The following N4BP2 variants were observed in gnomAD, a reference collection of about 807,000 sequenced individuals.
N4BP2 encodes NEDD4-binding protein 2.
A neutral mutation model predicts 152.8 loss-of-function variants in N4BP2; 91 were observed. The ratio of observed to expected loss-of-function variants is 0.60; its 90% CI spans 0.50 to 0.71. The LOEUF is 0.71. N4BP2 is among the 30% of genes least tolerant of loss of function. The probability of loss-of-function intolerance (pLI) is 0.00; values close to 1 mark genes in which losing one functional copy is unlikely to be tolerated. For synonymous variants in N4BP2, 646 were observed against 705.3 expected (o/e 0.92, Z 1.33); for missense variants, 1,923 against 2,059.1 (o/e 0.93, Z 1.28).
intron 16 of N4BP2, among the ~76,000 whole-genome samples, chr4:40,146,545 A>G (rs1720535333): frequency 6.6e-6 from 1 of 152,172 alleles, no homozygotes; most frequent in African/African-American, 2.4e-5. Context: ...TTTTTTGACA[A>G]ATAAGATTGT....
the N4BP2 span, among the ~76,000 whole-genome samples, chr4:40,188,331 A>C: frequency 3.3e-5 from 5 of 152,220 alleles, no homozygotes; most frequent in Non-Finnish European, 1.5e-5. Flanking sequence ...TTTATTGCCC[A>C]TGTGGCCCTG....
chr4:40,123,927 T>A (rs372787225), intron 10 of N4BP2, among the ~76,000 whole-genome samples: 2 of 39,412 alleles, frequency 5.1e-5, no homozygotes, highest in Non-Finnish European at 1.0e-4. Context: ...TAACAAGAAA[T>A]TTTTTTTTTT....
the N4BP2 span, among the ~76,000 whole-genome samples, chr4:40,188,495 A>G: frequency 6.6e-6 from 1 of 152,190 alleles, no homozygotes; most frequent in Non-Finnish European, 1.5e-5. Context: ...CTGCAATCCC[A>G]GCACTTTGAG....
At position 40,113,441 on chromosome 4, in the gene N4BP2, C is replaced by T. The variant is rs1316066416; in HGVS notation, c.1597C>T (p.His533Tyr). The change falls in exon 7 of 18, where the codon CAC (histidine) becomes TAC (tyrosine). Residue 533 changes from histidine (H) to tyrosine (Y), a missense_variant. Coordinates refer to ENST00000261435, the MANE Select transcript of N4BP2 (RefSeq NM_018177.6). ...TCTTTGTTGTATGTAGTCTCAGAAA[C>T]ACAAATATAAAGTCCTTTTTCGGGA... ...MKPYVALSQKHKYKVLFREPD... is the reference protein window; with the variant it reads ...MKPYVALSQKYKYKVLFREPD... 1.2e-6 allele frequency: 2 copies of T among 1,609,994 alleles called. No homozygotes were observed. The highest frequency in any genetic ancestry group is 3.3e-5 in the Admixed American group (2 of 59,838).
At position 40,154,577 on chromosome 4, in the gene N4BP2, A is replaced by G. The variant is rs545197135; in HGVS notation, c.*340A>G. 4.8e-5 allele frequency: 10 copies of G among 209,350 alleles called. No individual in the cohort carries two copies. In the South Asian group the frequency reaches 7.9e-4, roughly 17 times the overall value. 13.0% of individuals were successfully genotyped at this position (209,350 alleles called of 1,614,324 possible). On this transcript the variant is annotated 3_prime_UTR_variant, in exon 18 of 18. Coordinates refer to ENST00000261435, the MANE Select transcript of N4BP2 (RefSeq NM_018177.6). ...GTTGTATGACATTTAGTAATGTCCTAAAAGTCTTTTGTGAGAGGTATTTAA... is the reference window on the plus strand; with the variant it reads ...GTTGTATGACATTTAGTAATGTCCTGAAAGTCTTTTGTGAGAGGTATTTAA...
intron 7 of N4BP2, among the ~76,000 whole-genome samples, chr4:40,114,186 T>C (rs1156231516): frequency 6.6e-6 from 1 of 152,236 alleles, no homozygotes; most frequent in African/African-American, 2.4e-5. Context: ...TTTTGCTTTG[T>C]GTTCTATACT....
At chr4:40,119,658 CT>C (rs1470212017) in intron 8 of N4BP2, among the ~76,000 whole-genome samples, 1 of 152,054 alleles carries the variant, frequency 6.6e-6, no homozygotes, top group Non-Finnish European at 1.5e-5. Flanking sequence ...AACACCTAAA[CT>C]GAAAATCTCA....
chr4:40,058,455 G>A (rs987185765), intron 1 of N4BP2, among the ~76,000 whole-genome samples: 4 of 152,164 alleles, frequency 2.6e-5, no homozygotes, highest in African/African-American at 9.7e-5. Context: ...TGTAGTGGTG[G>A]ACATGGTGGG....
chr4:40,064,918 G>A (rs562008364), intron 1 of N4BP2, among the ~76,000 whole-genome samples: 21 of 152,118 alleles, frequency 1.4e-4, no homozygotes, highest in African/African-American at 4.3e-4. Context: ...TTACAGGTAT[G>A]CACCACCACA....
At chr4:40,092,398 C>T (rs1157783078) in intron 2 of N4BP2, among the ~76,000 whole-genome samples, 1 of 151,214 alleles carries the variant, frequency 6.6e-6, no homozygotes, top group Non-Finnish European at 1.5e-5. Context: ...GACATTGGTC[C>T]ATTTCATATA....
At chr4:40,184,297 C>T in the N4BP2 span, among the ~76,000 whole-genome samples, 1 of 151,576 alleles carries the variant, frequency 6.6e-6, no homozygotes, top group Non-Finnish European at 1.5e-5. Context: ...AGAAACAGGC[C>T]CTCAAAATGC....
chr4:40,089,604 T>A (rs1172955902), intron 2 of N4BP2, among the ~76,000 whole-genome samples: 1 of 151,870 alleles, frequency 6.6e-6, no homozygotes, highest in Non-Finnish European at 1.5e-5. Flanking sequence ...ACCTGGCCAA[T>A]TTTTGTATTT....
At chr4:40,068,831 T>C (rs886982548) in intron 1 of N4BP2, among the ~76,000 whole-genome samples, 4 of 152,118 alleles carry the variant, frequency 2.6e-5, no homozygotes, top group Admixed American at 6.6e-5. Context: ...CTTTAAAAAA[T>C]TCCCAGGCTG....
chr4:40,187,303 G>A, the N4BP2 span, among the ~76,000 whole-genome samples: 1 of 151,210 alleles, frequency 6.6e-6, no homozygotes, highest in Admixed American at 6.6e-5. Flanking sequence ...AACAAACAAA[G>A]CCTACATTCA....
intron 16 of N4BP2, among the ~76,000 whole-genome samples, chr4:40,145,991 G>C (rs890831478): frequency 6.6e-6 from 1 of 151,700 alleles, no homozygotes; most frequent in Admixed American, 6.6e-5. Flanking sequence ...GTGAAACCCC[G>C]TCTCTACTAA....
chr4:40,094,999 A>C (rs1315108896), intron 2 of N4BP2, among the ~76,000 whole-genome samples: 3 of 151,930 alleles, frequency 2.0e-5, no homozygotes, highest in Non-Finnish European at 4.4e-5. Flanking sequence ...GTTGGTCTCA[A>C]ACTCCTCACC....
rs545807182 is a variant in N4BP2, at chr4:40,107,438, C to T, written c.1498+414C>T. 1.5e-4 allele frequency among the ~76,000 whole-genome samples: 22 copies of T among 151,416 alleles called. No homozygotes were observed. The East Asian group carries it at 4.3e-3, about 29-fold the overall frequency. On this transcript the variant is annotated intron_variant, in intron 5 of 17. Transcript: ENST00000261435. Reference sequence around the variant, plus strand: ...CTCACTTTGCGCCCAGGCTGTAGTACAGTGGTGCAATCTGGGTTCACTGCA... The same window carrying T: ...CTCACTTTGCGCCCAGGCTGTAGTATAGTGGTGCAATCTGGGTTCACTGCA...
At chr4:40,170,858 T>C in the N4BP2 span, among the ~76,000 whole-genome samples, 4 of 152,232 alleles carry the variant, frequency 2.6e-5, no homozygotes, top group Admixed American at 2.0e-4. Context: ...ATTTCACATA[T>C]CCTCATTTTG....
intron 12 of N4BP2, among the ~76,000 whole-genome samples, chr4:40,129,835 T>A (rs1718761104): frequency 6.6e-6 from 1 of 152,144 alleles, no homozygotes; most frequent in African/African-American, 2.4e-5. Flanking sequence ...TTTGTATATA[T>A]TTTTTAAAGC....
Sources: gnomAD v4.1 joint callset for allele counts (sites outside exome capture counted in the v4.1 genomes callset) on GRCh38, gnomAD v4.1.1 for gene constraint, MANE v1.5 for transcripts, NCBI Gene and HGNC (gene_info 2026-07-23, HGNC 2026-07-21) for gene names.